Variants in SIRPB1 observed in about 807,000 individuals in gnomAD.
SIRPB1 encodes the protein signal-regulatory protein beta-1.
In SIRPB1, 28 loss-of-function variants were observed where a neutral mutation model predicts 34.1. That is an observed-to-expected ratio of 0.82 (90% CI 0.61 to 1.12). The LOEUF (loss-of-function observed/expected upper bound fraction) is 1.12, where lower values mean the gene tolerates loss of function less well. Among genes scored for constraint, SIRPB1 ranks in the 50% most tolerant of loss-of-function variants. The probability of loss-of-function intolerance (pLI) is 0.00; values close to 1 mark genes in which losing one functional copy is unlikely to be tolerated. For synonymous variants in SIRPB1, 211 were observed against 203.8 expected, an observed-to-expected ratio of 1.04 and a Z score of -0.30; for missense variants, 499 against 507.0, an observed-to-expected ratio of 0.98 and a Z score of 0.15.
chr20:1,583,552 A>G lies in SIRPB1; in HGVS notation c.77-4858T>C, dbSNP rs979384179. Among the ~76,000 whole-genome samples the G allele has an allele frequency of 4.1e-5, 2 of 48,440 alleles. 1 individual carries two copies. Among genetic ancestry groups the G allele is most frequent in the South Asian group, 1.5e-3 (2 of 1,346 alleles). The allele number at this position is 48,440 out of a possible 152,430, so 31.8% of individuals were successfully genotyped here. A position where few individuals can be genotyped will look rare whatever the true frequency, so the allele number is the denominator to read the frequency against. ...ATGAATATAACTATAGATATAGATAATATAGGCAGGGTTCTCTGTTACTTT... is the reference window on the plus strand; with the variant it reads ...ATGAATATAACTATAGATATAGATAGTATAGGCAGGGTTCTCTGTTACTTT... On this transcript the variant is annotated intron_variant, in intron 1 of 5. Transcript: ENST00000381605.
chr20:1,572,902 C>G (rs1266990859), intron 2 of SIRPB1, among the ~76,000 whole-genome samples: 1 of 151,026 alleles, frequency 6.6e-6, no homozygotes, highest in African/African-American at 2.4e-5. Context: ...ATTTTGATCT[C>G]TTTCACCTGG....
intron 2 of SIRPB1, among the ~76,000 whole-genome samples, chr20:1,577,346 C>A (rs1286672641): frequency 6.8e-6 from 1 of 147,692 alleles, no homozygotes; most frequent in Non-Finnish European, 1.5e-5. Flanking sequence ...CTAACTGGCC[C>A]TGTGACCATG....
intron 3 of SIRPB1, among the ~76,000 whole-genome samples, 156 bp downstream of exon 3, chr20:1,571,564 A>G (rs1816008642): frequency 6.6e-6 from 1 of 152,220 alleles, no homozygotes; most frequent in Admixed American, 6.5e-5. Context: ...AGCTGCCATT[A>G]AAATGATAGT....
At position 1,581,035 on chromosome 20, in the gene SIRPB1, G is replaced by A. The variant is rs112397436; in HGVS notation, c.77-2341C>T. Among the ~76,000 whole-genome samples the A allele has an allele frequency of 1.0e-4, 5 of 49,006 alleles. 2 individuals are homozygous for A. Among genetic ancestry groups the A allele is most frequent in the East Asian group, 1.2e-3 (2 of 1,722 alleles). 32.1% of individuals were successfully genotyped at this position (49,006 alleles called of 152,430 possible). A position where few individuals can be genotyped will look rare whatever the true frequency, so the allele number is the denominator to read the frequency against. ...CAATGCACCGAAGGCCAGAAGATAG[G>A]GGGATGGTAAGTTCAAAATGTTGAA... On this transcript the variant is annotated intron_variant, in intron 1 of 5. Transcript: ENST00000381605.
At position 1,587,414 on chromosome 20, in the gene SIRPB1, C is replaced by T. The variant is rs1236056659; in HGVS notation, c.77-8720G>A. Among the ~76,000 whole-genome samples the T allele has an allele frequency of 6.1e-5, 3 of 48,890 alleles. 1 individual carries two copies. The highest frequency in any genetic ancestry group is 1.2e-4 in the Non-Finnish European group (3 of 25,370). 32.1% of individuals were successfully genotyped at this position (48,890 alleles called of 152,430 possible). ...GGAGCTGAGAGGCTGCTGTGCCCAG[C>T]GCTGTGACCCTGGTGTCAGCTCCAT... On this transcript the variant is annotated intron_variant, in intron 1 of 5. Coordinates refer to ENST00000381605, the MANE Select transcript of SIRPB1 (RefSeq NM_006065.5).
Position 1,586,981 on chromosome 20 carries a change from G to A in SIRPB1, c.77-8287C>T. On this transcript the variant is annotated intron_variant, in intron 1 of 5. Coordinates refer to ENST00000381605, the MANE Select transcript of SIRPB1 (RefSeq NM_006065.5). ...GGTTTTAACTCTGTTGCTGACTGGT[G>A]TAATGGGTGATGATTAATCCTGTGT... 4.0e-5 allele frequency among the ~76,000 whole-genome samples: 2 copies of A among 49,464 alleles called. 1 individual carries two copies. Among genetic ancestry groups the A allele is most frequent in the Non-Finnish European group, 7.8e-5 (2 of 25,580 alleles). 32.5% of individuals were successfully genotyped at this position (49,464 alleles called of 152,430 possible).
chr20:1,578,781 TG>T, intron 1 of SIRPB1, 87 bp from the exon 2 acceptor site: 1 of 1,092,632 alleles, frequency 9.2e-7, no homozygotes. Flanking sequence ...TTTCATTGAC[TG>T]GGTGCACACC....
Position 1,578,560 on chromosome 20 carries a change from C to A in SIRPB1, c.211G>T (p.Ala71Ser). 1 of 1,584,146 alleles carries A rather than the reference C, an allele frequency of 6.3e-7. No individual in the cohort carries two copies. The highest frequency in any genetic ancestry group is 1.1e-5 in the South Asian group (1 of 90,506). The change falls in exon 2 of 6, where the codon GCT becomes TCT. Residue 71 changes from alanine to serine, a missense_variant. Transcript: ENST00000381605. Reference protein sequence around the residue: ...PVGPIMWFRGAGAGRELIYNQ... With the variant: ...PVGPIMWFRGSGAGRELIYNQ... ...TAGATTAATTCCCGGCCTGCTCCAGCTCCTCTAAACCACATGATGGGCCCC... is the reference window on the plus strand; with the variant it reads ...TAGATTAATTCCCGGCCTGCTCCAGATCCTCTAAACCACATGATGGGCCCC...
intron 1 of SIRPB1, chr20:1,611,278 G>T: frequency 1.5e-6 from 1 of 686,388 alleles, no homozygotes; most frequent in Non-Finnish European, 2.0e-6. Context: ...ACACCTGACT[G>T]TTGCTCTAAG....
In SIRPB1 at chr20:1,578,139, A is replaced by C. The variant is rs986675473; in HGVS notation, c.433+199T>G. The C allele has an allele frequency of 1.9e-4, 114 of 615,748 alleles. 7 individuals carry two copies. In the Admixed American group the frequency reaches 1.9e-3, roughly 10 times the overall value. The allele number at this position is 615,748 out of a possible 1,614,324, so 38.1% of individuals were successfully genotyped here. ...GGGGATGCCTTCTGTCCCATCATTT[A>C]CAAGCCGTGGAGCCTCGAGCGACTG... On this transcript the variant is annotated intron_variant, in intron 2 of 5. Transcript: ENST00000381605.
rs1343721688 is a variant in SIRPB1 at position 1,571,730 on chromosome 20, C to T, written c.741G>A (p.Glu247=). The T allele has an allele frequency of 1.9e-6, 3 of 1,614,086 alleles. No homozygotes were observed. The highest frequency in any genetic ancestry group is 1.1e-5 in the South Asian group (1 of 91,082). ...GTGAGGGTCTTCTACCTCGGATGGCCTCAGACAAGTTGGCAGTCCCACGAA... is the reference window on the plus strand; with the variant it reads ...GTGAGGGTCTTCTACCTCGGATGGCTTCAGACAAGTTGGCAGTCCCACGAA... ...DPLRGTANLS[E]AIRVPPTLEV... is the part of the protein sequence containing the mutation. Residue 247 remains glutamate, a synonymous_variant, in exon 3 of 6, where the codon GAG becomes GAA. Coordinates refer to ENST00000381605, the MANE Select transcript of SIRPB1 (RefSeq NM_006065.5).
intron 1 of SIRPB1, among the ~76,000 whole-genome samples, chr20:1,578,937 T>C (rs2091362286): frequency 1.3e-5 from 2 of 148,170 alleles, no homozygotes; most frequent in East Asian, 1.9e-4. Flanking sequence ...TTCTGTTCTT[T>C]CTGTTTGCTT....
At position 1,564,978 on chromosome 20, in the gene SIRPB1, CA is replaced by C. The variant is rs1309689327; in HGVS notation, c.*521del. On this transcript the variant is annotated 3_prime_UTR_variant, in exon 6 of 6. Coordinates refer to ENST00000381605, the MANE Select transcript of SIRPB1 (RefSeq NM_006065.5). ...ACTAGAAGAAATACTGTCTCCATCA[CA>C]GAGAGAGAAGGGAGAGCTTCTTTCT... 1 of 398,544 alleles carries C rather than the reference CA, an allele frequency of 2.5e-6. No homozygotes were observed. Among genetic ancestry groups the C allele is most frequent in the African/African-American group, 2.1e-5 (1 of 48,728 alleles). 24.7% of individuals were successfully genotyped at this position (398,544 alleles called of 1,614,324 possible). A position where few individuals can be genotyped will look rare whatever the true frequency, so the allele number is the denominator to read the frequency against.
intron 1 of SIRPB1, among the ~76,000 whole-genome samples, chr20:1,616,602 A>G (rs975132521): frequency 2.1e-5 from 3 of 145,404 alleles, no homozygotes; most frequent in Non-Finnish European, 4.6e-5. Flanking sequence ...TAAAAGTGTA[A>G]AAGTACTGGA....
chr20:1,615,931 C>A (rs971773796), intron 1 of SIRPB1, among the ~76,000 whole-genome samples: 1 of 151,938 alleles, frequency 6.6e-6, no homozygotes, highest in Non-Finnish European at 1.5e-5. Context: ...ATTATTATGA[C>A]TTTATTGAAA....
chr20:1,609,327 AATGTACATTTTCATATACATAC>A (rs1312072387), intron 1 of SIRPB1, among the ~76,000 whole-genome samples: 2 of 72,870 alleles, frequency 2.7e-5, no homozygotes, highest in Non-Finnish European at 5.2e-5. Context: ...ATTACTGGGC[AATGTACATTTTCATATACATAC>A]ATGTACATGA....
At chr20:1,566,688 T>C (rs1468953562) in intron 4 of SIRPB1, among the ~76,000 whole-genome samples, 1 of 152,074 alleles carries the variant, frequency 6.6e-6, no homozygotes. Flanking sequence ...TCCCCAAGGG[T>C]GACTCCTGAG....
chr20:1,578,525 T>C lies in SIRPB1; in HGVS notation c.246A>G (p.Lys82=), dbSNP rs1366165156. 6.3e-7 allele frequency: 1 copy of C among 1,583,956 alleles called. No homozygotes were observed. ...TTGTTACCCGTGGGAAGTGGCCTTC[T>C]TTCTGATTGTAGATTAATTCCCGGC... is the stretch of plus-strand genomic sequence containing the variant. ...GAGRELIYNQ[K]EGHFPRVTTV... is the part of the protein sequence containing the mutation. The change falls in exon 2 of 6, where the codon AAA becomes AAG. Residue 82 remains lysine, a synonymous_variant. Coordinates refer to ENST00000381605, the MANE Select transcript of SIRPB1 (RefSeq NM_006065.5).
At chr20:1,576,316 A>C (rs2091309037) in intron 2 of SIRPB1, among the ~76,000 whole-genome samples, 1 of 148,028 alleles carries the variant, frequency 6.8e-6, no homozygotes, top group African/African-American at 2.5e-5. Context: ...ATTTTCATGT[A>C]CATACATGTA....
Sources: gnomAD v4.1 joint callset for allele counts (sites outside exome capture counted in the v4.1 genomes callset) on GRCh38, gnomAD v4.1.1 for gene constraint, MANE v1.5 for transcripts, NCBI Gene and HGNC (gene_info 2026-07-23, HGNC 2026-07-21) for gene names.